OCIAD1: variants seen among roughly 807,000 people sequenced by gnomAD.
OCIAD1 encodes OCIA domain-containing protein 1.
A neutral mutation model predicts 38.9 loss-of-function variants in OCIAD1; 29 were observed. That is an observed-to-expected ratio of 0.74 (90% CI 0.55 to 1.02). OCIAD1 has a LOEUF of 1.02. Ranked by LOEUF, OCIAD1 falls within the 50% of genes least tolerant of loss-of-function variation. The pLI, the probability that OCIAD1 is intolerant of heterozygous loss-of-function variation, is 0.00. For missense variants in OCIAD1, 288 were observed against 289.6 expected (o/e 0.99, Z 0.04); for synonymous variants, 110 against 92.0 (o/e 1.20, Z -1.12).
intron 8 of OCIAD1, among the ~76,000 whole-genome samples, chr4:48,860,459 T>A (rs551888231): frequency 9.2e-5 from 14 of 152,232 alleles, no homozygotes; most frequent in Non-Finnish European, 1.8e-4. Context: ...GTTACTAATC[T>A]TTTTTCTCAC....
Position 48,851,156 on chromosome 4 carries a change from C to T in OCIAD1, c.378-650C>T, listed in dbSNP as rs578169240. On this transcript the variant is annotated intron_variant, in intron 6 of 8. Transcript: ENST00000264312. ...ATTCTTAGCTGTGATATTACCTTCT[C>T]AATTGACATGGGAAACGGGCATGGT... Among the ~76,000 whole-genome samples, 14 of 152,328 alleles carry T rather than the reference C, an allele frequency of 9.2e-5. No homozygotes were observed. The East Asian group carries it at 2.7e-3, about 29-fold the overall frequency.
At chr4:48,844,797 C>G (rs1451216989) in intron 4 of OCIAD1, among the ~76,000 whole-genome samples, 2 of 152,008 alleles carry the variant, frequency 1.3e-5, no homozygotes, top group African/African-American at 2.4e-5. Flanking sequence ...TGATATAAAA[C>G]GGCCTAGTAA....
rs1292686888 is a variant in OCIAD1 at position 48,831,190 on chromosome 4, G to A, written c.-65G>A. 3.1e-6 allele frequency: 1 copy of A among 322,066 alleles called. No individual in the cohort carries two copies. The highest frequency in any genetic ancestry group is 6.2e-6 in the Non-Finnish European group (1 of 161,054). 20.0% of individuals were successfully genotyped at this position (322,066 alleles called of 1,614,324 possible). On this transcript the variant is annotated 5_prime_UTR_variant, in exon 1 of 9. Transcript: ENST00000264312. Reference sequence around the variant, plus strand: ...CTGCCCCCTCTCGAGTCCACCCTCCGGGCCTTCTGCCCCTGATCGCTTGGT... The same window carrying A: ...CTGCCCCCTCTCGAGTCCACCCTCCAGGCCTTCTGCCCCTGATCGCTTGGT...
chr4:48,832,839 A>G (rs1470303952), intron 2 of OCIAD1, 157 bp downstream of exon 2: 15 of 648,710 alleles, frequency 2.3e-5, no homozygotes, highest in Non-Finnish European at 2.2e-5. Context: ...CTTGAAATTC[A>G]TAATCATTTG....
chr4:48,857,339 T>C lies in OCIAD1; in HGVS notation c.674T>C (p.Met225Thr). Residue 225 changes from methionine (M) to threonine (T), a missense_variant, in exon 8 of 9, where the codon ATG becomes ACG. By Grantham distance (81) the Met-to-Thr change is moderately conservative. Coordinates refer to ENST00000264312, the MANE Select transcript of OCIAD1 (RefSeq NM_017830.4). ...TQKTDPSVRP[M>T]HERVPKKEVK... is the part of the protein sequence containing the mutation. The stretch of plus-strand genomic sequence containing the variant: ...AAGACTGACCCCTCAGTCAGGCCTA[T>C]GCATGAAAGAGTGCCAAAAAAAGAA... The C allele has an allele frequency of 6.4e-7, 1 of 1,572,402 alleles. No individual in the cohort carries two copies. Among genetic ancestry groups the C allele is most frequent in the South Asian group, 1.2e-5 (1 of 82,906 alleles).
chr4:48,826,420 T>TG (rs964665295), upstream of OCIAD1, among the ~76,000 whole-genome samples: 2 of 152,160 alleles, frequency 1.3e-5, no homozygotes, highest in Admixed American at 1.3e-4. Flanking sequence ...TTTCTGTCCT[T>TG]GCGATAGTTT....
chr4:48,840,714 A>G (rs1778435918), intron 3 of OCIAD1, among the ~76,000 whole-genome samples: 1 of 151,822 alleles, frequency 6.6e-6, no homozygotes, highest in South Asian at 2.1e-4. Context: ...AATGGTTAAG[A>G]GGCTGGGTGC....
At chr4:48,848,596 T>G in intron 5 of OCIAD1, 150 bp downstream of exon 5, 1 of 417,760 alleles carries the variant, frequency 2.4e-6, no homozygotes. Flanking sequence ...TTAAGTGGAT[T>G]ACTTGGATAT....
chr4:48,807,776 T>C (rs1021650200), intron 1 of OCIAD1, among the ~76,000 whole-genome samples: 2 of 152,146 alleles, frequency 1.3e-5, no homozygotes, highest in African/African-American at 4.8e-5. Flanking sequence ...AGAATCTGTA[T>C]TTTTAAAAAC....
intron 1 of OCIAD1, among the ~76,000 whole-genome samples, chr4:48,810,543 A>G (rs1479353916): frequency 6.6e-6 from 1 of 151,596 alleles, no homozygotes; most frequent in African/African-American, 2.4e-5. Context: ...TCGTGGGCTC[A>G]AGGGATTCTC....
At chr4:48,830,394 A>G (rs1340263377), upstream of OCIAD1, among the ~76,000 whole-genome samples, 2 of 152,234 alleles carry the variant, frequency 1.3e-5, no homozygotes, top group African/African-American at 4.8e-5. Flanking sequence ...TTAGTCACTA[A>G]TAACTTGCAG....
chr4:48,816,845 C>T (rs551658585), intron 1 of OCIAD1, among the ~76,000 whole-genome samples: 1 of 152,038 alleles, frequency 6.6e-6, no homozygotes, highest in Non-Finnish European at 1.5e-5. Flanking sequence ...GTGGCACACA[C>T]CTGTGATCCT....
In OCIAD1 at chr4:48,840,506, A is replaced by C. The variant is rs552844744; in HGVS notation, c.140-2130A>C. Among the ~76,000 whole-genome samples, 4 of 152,338 alleles carry C rather than the reference A, an allele frequency of 2.6e-5. 1 individual carries two copies. In the East Asian group the frequency reaches 7.7e-4, roughly 29 times the overall value. ...TGAATTCAGACCTTAGCGTTTGTGC[A>C]ATTTGTGTGTGATGGCAAAGTTAAT... On this transcript the variant is annotated intron_variant, in intron 3 of 8. Transcript: ENST00000264312.
intron 8 of OCIAD1, 46 bp from the exon 9 acceptor site, chr4:48,860,679 A>G (rs781681489): frequency 4.2e-5 from 56 of 1,334,690 alleles, no homozygotes; most frequent in Non-Finnish European, 5.7e-5. Flanking sequence ...AATGTCTTTT[A>G]CTTATTATTG....
chr4:48,810,425 C>T (rs1382837659), intron 1 of OCIAD1, among the ~76,000 whole-genome samples: 2 of 141,776 alleles, frequency 1.4e-5, no homozygotes, highest in Non-Finnish European at 3.0e-5. Context: ...GCCAAGATCG[C>T]ACCACTGCAC....
chr4:48,830,825 G>A (rs143872176), upstream of OCIAD1, among the ~76,000 whole-genome samples: 2 of 152,180 alleles, frequency 1.3e-5, no homozygotes, highest in Non-Finnish European at 2.9e-5. Context: ...GAGAAGACCA[G>A]AGAGGTGCAT....
intron 3 of OCIAD1, among the ~76,000 whole-genome samples, chr4:48,838,425 T>C (rs1376250772): frequency 6.6e-6 from 1 of 152,122 alleles, no homozygotes; most frequent in Non-Finnish European, 1.5e-5. Flanking sequence ...GCCAAAAAAT[T>C]ACTGTATTAA....
intron 1 of OCIAD1, among the ~76,000 whole-genome samples, chr4:48,824,267 C>A (rs1777226570): frequency 1.3e-5 from 2 of 152,022 alleles, no homozygotes; most frequent in Non-Finnish European, 2.9e-5. Flanking sequence ...CAGGTGTGAG[C>A]CACTGCGCCC....
intron 1 of OCIAD1, among the ~76,000 whole-genome samples, chr4:48,813,391 C>T (rs754640438): frequency 8.5e-5 from 13 of 152,158 alleles, no homozygotes; most frequent in Non-Finnish European, 1.5e-4. Context: ...TGGTGGCTCA[C>T]GCCTGTAATC....
Sources: allele counts gnomAD v4.1 joint callset (sites outside exome capture counted in the v4.1 genomes callset), GRCh38; gene constraint gnomAD v4.1.1; transcripts MANE v1.5; gene names NCBI Gene and HGNC (gene_info 2026-07-23, HGNC 2026-07-21).